The following NCAM2 variants were observed in gnomAD, a reference collection of about 807,000 sequenced individuals.
NCAM2 encodes the protein N-CAM-2.
In NCAM2, 30 loss-of-function variants were observed where a neutral mutation model predicts 98.1. The observed-to-expected ratio is 0.31, with a 90% CI of 0.23 to 0.41. NCAM2 has a LOEUF of 0.41. NCAM2 is among the 10% of genes least tolerant of loss of function. The pLI is 1.00. For missense variants in NCAM2, 867 were observed against 1,005.8 expected, an observed-to-expected ratio of 0.86 and a Z score of 1.87; for synonymous variants, 368 against 342.4, an observed-to-expected ratio of 1.07 and a Z score of -0.83.
At chr21:21,150,897 T>A (rs1365753940) in intron 1 of NCAM2, among the ~76,000 whole-genome samples, 1 of 151,880 alleles carries the variant, frequency 6.6e-6, no homozygotes, top group Non-Finnish European at 1.5e-5. Flanking sequence ...AGAAGCTGGA[T>A]GCTATTTTTT....
intron 1 of NCAM2, among the ~76,000 whole-genome samples, chr21:21,164,379 G>C (rs1358509170): frequency 6.6e-6 from 1 of 152,190 alleles, no homozygotes; most frequent in Non-Finnish European, 1.5e-5. Context: ...TTGCAAAGAA[G>C]TTGAAAAGCC....
At chr21:21,438,607 T>C (rs1309859096) in intron 12 of NCAM2, among the ~76,000 whole-genome samples, 1 of 152,196 alleles carries the variant, frequency 6.6e-6, no homozygotes, top group African/African-American at 2.4e-5. Context: ...GAGAAACATG[T>C]ATCACAGCTG....
intron 1 of NCAM2, among the ~76,000 whole-genome samples, chr21:21,255,620 G>A (rs1167144789): frequency 3.9e-5 from 6 of 152,054 alleles, no homozygotes; most frequent in South Asian, 4.1e-4. Flanking sequence ...ATATATAATC[G>A]ACTTCTCATA....
intron 1 of NCAM2, among the ~76,000 whole-genome samples, chr21:21,264,891 T>C (rs1232425399): frequency 8.8e-5 from 4 of 45,476 alleles, no homozygotes; most frequent in African/African-American, 1.2e-4. Context: ...GATATATATA[T>C]GTGTGTGTAT....
chr21:21,367,949 A>G (rs2075826409), intron 8 of NCAM2, among the ~76,000 whole-genome samples: 1 of 151,952 alleles, frequency 6.6e-6, no homozygotes, highest in Admixed American at 6.6e-5. Context: ...TACTCAGGTC[A>G]TGTTTTGAAA....
intron 1 of NCAM2, among the ~76,000 whole-genome samples, chr21:21,187,956 A>G (rs2068695499): frequency 6.6e-6 from 1 of 152,220 alleles, no homozygotes; most frequent in Non-Finnish European, 1.5e-5. Flanking sequence ...AGTATGATAC[A>G]TGTGATTCTC....
intron 1 of NCAM2, among the ~76,000 whole-genome samples, chr21:21,051,485 C>T (rs1028687003): frequency 1.3e-5 from 2 of 152,176 alleles, no homozygotes; most frequent in Non-Finnish European, 2.9e-5. Flanking sequence ...AAATGGATAT[C>T]AAATTGCGCT....
intron 1 of NCAM2, among the ~76,000 whole-genome samples, chr21:21,054,678 T>C (rs1169494677): frequency 6.6e-6 from 1 of 152,022 alleles, no homozygotes; most frequent in Non-Finnish European, 1.5e-5. Flanking sequence ...AAGAAATGAA[T>C]TAAAAGTTTG....
intron 12 of NCAM2, among the ~76,000 whole-genome samples, chr21:21,442,722 T>C (rs2146087571): frequency 1.3e-5 from 2 of 152,294 alleles, no homozygotes; most frequent in Non-Finnish European, 2.9e-5. Flanking sequence ...ATTTACATAT[T>C]AGTATATATT....
intron 1 of NCAM2, among the ~76,000 whole-genome samples, chr21:21,065,099 G>T (rs1213941795): frequency 6.6e-6 from 1 of 151,942 alleles, no homozygotes; most frequent in Non-Finnish European, 1.5e-5. Flanking sequence ...AGAATCGCTT[G>T]AACCGGGGAG....
At chr21:21,304,890 A>G (rs965086285) in intron 5 of NCAM2, among the ~76,000 whole-genome samples, 5 of 152,198 alleles carry the variant, frequency 3.3e-5, no homozygotes, top group Admixed American at 2.6e-4. Context: ...TGATGCTATT[A>G]TAAACCACAT....
chr21:21,411,299 T>C (rs1473291955), intron 10 of NCAM2, among the ~76,000 whole-genome samples: 1 of 148,938 alleles, frequency 6.7e-6, no homozygotes, highest in African/African-American at 2.5e-5. Flanking sequence ...TTGTCTTCAA[T>C]GTTGATGTTT....
chr21:21,537,864 A>G lies in NCAM2; in HGVS notation c.2421A>G (p.Glu807=), dbSNP rs772830392. ...CTTCCAGAAAATTGCCTTTAAAGGA[A>G]GAAGATGGGAAAGAAGCTCTAAATC... ...LTEPEKLPLK[E]EDGKEALNPE... The change falls in exon 18 of 18, where the codon GAA becomes GAG. Residue 807 remains glutamate, a synonymous_variant. Transcript: ENST00000400546. The G allele has an allele frequency of 1.3e-5, 20 of 1,556,404 alleles. No homozygotes were observed. In the South Asian group the frequency reaches 1.7e-4, roughly 13 times the overall value.
intron 1 of NCAM2, among the ~76,000 whole-genome samples, chr21:21,019,556 A>G (rs1301071615): frequency 6.6e-6 from 1 of 152,206 alleles, no homozygotes; most frequent in East Asian, 1.9e-4. Flanking sequence ...GAGGATAATA[A>G]TATTAGTGCT....
intron 6 of NCAM2, among the ~76,000 whole-genome samples, chr21:21,330,168 A>G (rs927136155): frequency 1.3e-5 from 2 of 151,280 alleles, no homozygotes; most frequent in Non-Finnish European, 3.0e-5. Flanking sequence ...TTTTATTTTT[A>G]TTATTATTTT....
rs202018731 is a variant in NCAM2 at position 21,106,314 on chromosome 21, C to CAAAAAAAAAAAAAAAAAAAAAAAAAA, written c.55+107711_55+107712insAAAAAAAAAAAAAAAAAAAAAAAAAA. Reference sequence around the variant, plus strand: ...CAGAATGAGAGACATGTCTCAAAAGCAAAAAAAAAAAAAAAGGAACAGCCA... The same window carrying CAAAAAAAAAAAAAAAAAAAAAAAAAA: ...CAGAATGAGAGACATGTCTCAAAAGCAAAAAAAAAAAAAAAAAAAAAAAAAAAAAAAAAAAAAAAAAGGAACAGCCA... On this transcript the variant is annotated intron_variant, in intron 1 of 17. Transcript: ENST00000400546. Among the ~76,000 whole-genome samples, 99 of 103,438 alleles carry CAAAAAAAAAAAAAAAAAAAAAAAAAA rather than the reference C, an allele frequency of 9.6e-4. 1 individual carries two copies. Among genetic ancestry groups the CAAAAAAAAAAAAAAAAAAAAAAAAAA allele is most frequent in the East Asian group, 2.9e-3 (9 of 3,116 alleles). 67.9% of individuals were successfully genotyped at this position (103,438 alleles called of 152,430 possible). A position where few individuals can be genotyped will look rare whatever the true frequency, so the allele number is the denominator to read the frequency against.
chr21:21,172,616 T>C (rs1189320417), intron 1 of NCAM2, among the ~76,000 whole-genome samples: 1 of 152,154 alleles, frequency 6.6e-6, no homozygotes, highest in Non-Finnish European at 1.5e-5. Flanking sequence ...AGTGCATTGG[T>C]TTAAAAGTAT....
At chr21:21,421,392 T>TG (rs397969811) in intron 11 of NCAM2, among the ~76,000 whole-genome samples, 2 of 148,104 alleles carry the variant, frequency 1.4e-5, no homozygotes, top group African/African-American at 5.0e-5. Context: ...GGAAATTTTT[T>TG]GAATATTTTT....
chr21:21,159,188 T>C (rs1215372596), intron 1 of NCAM2, among the ~76,000 whole-genome samples: 3 of 152,196 alleles, frequency 2.0e-5, no homozygotes, highest in African/African-American at 7.2e-5. Flanking sequence ...TATCTTCATA[T>C]AGCTGTATAA....
Sources: allele counts gnomAD v4.1 joint callset (sites outside exome capture counted in the v4.1 genomes callset), GRCh38; gene constraint gnomAD v4.1.1; transcripts MANE v1.5; gene names NCBI Gene and HGNC (gene_info 2026-07-23, HGNC 2026-07-21).